The following SH3GL2 variants were observed in gnomAD, a reference collection of about 807,000 sequenced individuals.
The protein encoded by SH3GL2 is endophilin-A1.
A neutral mutation model predicts 46.0 loss-of-function variants in SH3GL2; 24 were observed. The ratio of observed to expected loss-of-function variants is 0.52; its 90% CI spans 0.38 to 0.73. SH3GL2 has a LOEUF of 0.73. SH3GL2 is among the 30% of genes least tolerant of loss of function. The pLI, the probability that SH3GL2 is intolerant of heterozygous loss-of-function variation, is 0.00. For synonymous variants in SH3GL2, 196 were observed against 147.1 expected, an observed-to-expected ratio of 1.33 and a Z score of -2.40; for missense variants, 413 against 424.2, an observed-to-expected ratio of 0.97 and a Z score of 0.23.
At chr9:17,727,351 C>T (rs10756908) in intron 1 of SH3GL2, among the ~76,000 whole-genome samples, 29,326 of 152,124 alleles carry the variant, frequency 0.19, 3,432 homozygotes, top group East Asian at 0.38. Context: ...CTAAGAATGA[C>T]GTTTACATTT....
At chr9:17,746,061 T>C (rs1411446724) in intron 1 of SH3GL2, among the ~76,000 whole-genome samples, 3 of 152,100 alleles carry the variant, frequency 2.0e-5, no homozygotes, top group Admixed American at 2.0e-4. Flanking sequence ...TTTCAGAATA[T>C]AAAAGTGTAT....
chr9:17,738,480 G>A (rs10810845), intron 1 of SH3GL2, among the ~76,000 whole-genome samples: 142,537 of 143,700 alleles, frequency 0.99, 70,688 homozygotes, highest in Middle Eastern at 1. Flanking sequence ...ACATACTTAT[G>A]TATACACACA....
chr9:17,781,794 G>A (rs1000702128), intron 3 of SH3GL2, among the ~76,000 whole-genome samples: 6 of 151,902 alleles, frequency 3.9e-5, no homozygotes, highest in East Asian at 1.9e-4. Flanking sequence ...CTCCCTTTAC[G>A]GTTCACTCTT....
In SH3GL2 at chr9:17,743,237, G is replaced by T. The variant is rs73412765; in HGVS notation, c.46-3829G>T. On this transcript the variant is annotated intron_variant, in intron 1 of 8. Transcript: ENST00000380607. Reference sequence around the variant, plus strand: ...TGAGTCAGTTGTTACATAGTCTGCTGTTAAATTCGGGGCCTTGATATATTT... The same window carrying T: ...TGAGTCAGTTGTTACATAGTCTGCTTTTAAATTCGGGGCCTTGATATATTT... Among the ~76,000 whole-genome samples the T allele has an allele frequency of 6.6e-3, 1,004 of 152,256 alleles. 8 individuals carry two copies. Among genetic ancestry groups the T allele is most frequent in the African/African-American group, 0.023 (937 of 41,550 alleles).
At chr9:17,625,203 G>C (rs1819253576) in intron 1 of SH3GL2, among the ~76,000 whole-genome samples, 1 of 152,154 alleles carries the variant, frequency 6.6e-6, no homozygotes, top group African/African-American at 2.4e-5. Flanking sequence ...GGTTCATCCT[G>C]TGTGAATGGG....
chr9:17,736,660 T>A (rs1822343639), intron 1 of SH3GL2, among the ~76,000 whole-genome samples: 1 of 152,084 alleles, frequency 6.6e-6, no homozygotes, highest in Non-Finnish European at 1.5e-5. Context: ...AGGTGTGAAA[T>A]ACATGTAGGA....
intron 1 of SH3GL2, among the ~76,000 whole-genome samples, chr9:17,601,757 G>A (rs1818677076): frequency 6.6e-6 from 1 of 152,208 alleles, no homozygotes; most frequent in Non-Finnish European, 1.5e-5. Context: ...GTCATTTTGA[G>A]TTGGTACACT....
intron 6 of SH3GL2, among the ~76,000 whole-genome samples, chr9:17,789,993 G>A (rs1824076712): frequency 6.6e-6 from 1 of 152,124 alleles, no homozygotes. Context: ...GAAGATAAAG[G>A]ATATTTCTGA....
At chr9:17,773,269 ACT>A (rs1823543194) in intron 3 of SH3GL2, among the ~76,000 whole-genome samples, 1 of 151,884 alleles carries the variant, frequency 6.6e-6, no homozygotes, top group Non-Finnish European at 1.5e-5. Flanking sequence ...TTGCCTTTTT[ACT>A]CAGTTTCTAG....
chr9:17,659,054 A>G (rs898390905), intron 1 of SH3GL2, among the ~76,000 whole-genome samples: 1 of 152,192 alleles, frequency 6.6e-6, no homozygotes, highest in Non-Finnish European at 1.5e-5. Context: ...ATGGTGATGG[A>G]AGATTTCTTG....
chr9:17,662,663 G>A (rs1360802730), intron 1 of SH3GL2, among the ~76,000 whole-genome samples: 1 of 150,706 alleles, frequency 6.6e-6, no homozygotes, highest in Non-Finnish European at 1.5e-5. Flanking sequence ...TTTTGCAGCA[G>A]CACATGTAAA....
chr9:17,726,364 C>T (rs1018531441), intron 1 of SH3GL2, among the ~76,000 whole-genome samples: 1 of 152,142 alleles, frequency 6.6e-6, no homozygotes, highest in African/African-American at 2.4e-5. Flanking sequence ...AATGCTACTT[C>T]ATAGTAAGTA....
chr9:17,615,658 CAAAAAAAAAAA>C (rs55926751), intron 1 of SH3GL2, among the ~76,000 whole-genome samples: 1 of 82,646 alleles, frequency 1.2e-5, no homozygotes, highest in South Asian at 4.7e-4. Flanking sequence ...GACTCCGTCT[CAAAAAAAAAAA>C]AAAAAAAAAA....
At chr9:17,737,161 A>G (rs1036227031) in intron 1 of SH3GL2, among the ~76,000 whole-genome samples, 24 of 151,906 alleles carry the variant, frequency 1.6e-4, no homozygotes, top group Admixed American at 1.4e-3. Flanking sequence ...ATGAGAACAC[A>G]TGGACACAGA....
chr9:17,711,949 G>C (rs543434440), intron 1 of SH3GL2, among the ~76,000 whole-genome samples: 1 of 151,774 alleles, frequency 6.6e-6, no homozygotes, highest in Non-Finnish European at 1.5e-5. Flanking sequence ...TAGAGTTTCT[G>C]TTGCTCTACA....
intron 2 of SH3GL2, chr9:17,755,781 C>T (rs916877507): frequency 3.5e-5 from 34 of 984,860 alleles, no homozygotes; most frequent in African/African-American, 1.9e-4. Flanking sequence ...ACGCTGTTCA[C>T]GAGTCCTTAC....
intron 1 of SH3GL2, among the ~76,000 whole-genome samples, chr9:17,679,248 T>A (rs940244360): frequency 2.0e-5 from 3 of 152,224 alleles, no homozygotes; most frequent in African/African-American, 7.2e-5. Context: ...ATGATATTGA[T>A]TCTTCCTATC....
intron 1 of SH3GL2, among the ~76,000 whole-genome samples, chr9:17,725,521 T>G (rs1200093518): frequency 6.6e-6 from 1 of 152,112 alleles, no homozygotes; most frequent in Non-Finnish European, 1.5e-5. Context: ...GTCTCCTCAG[T>G]CAGCAAGGCA....
In SH3GL2 at chr9:17,795,995, G is replaced by A; in HGVS notation, c.*252G>A. On this transcript the variant is annotated 3_prime_UTR_variant, in exon 9 of 9. Coordinates refer to ENST00000380607, the MANE Select transcript of SH3GL2 (RefSeq NM_003026.5). ...GAGACCAGCCAGTAGTCACAGAACT[G>A]CTGTTTACACAGTTCTCAGGAGGCT... 1 of 502,116 alleles carries A rather than the reference G, an allele frequency of 2.0e-6. No individual in the cohort carries two copies. The highest frequency in any genetic ancestry group is 3.6e-6 in the Non-Finnish European group (1 of 278,976). 31.1% of individuals were successfully genotyped at this position (502,116 alleles called of 1,614,324 possible).
Sources: gnomAD v4.1 joint callset for allele counts (sites outside exome capture counted in the v4.1 genomes callset) on GRCh38, gnomAD v4.1.1 for gene constraint, MANE v1.5 for transcripts, NCBI Gene and HGNC (gene_info 2026-07-23, HGNC 2026-07-21) for gene names.